Variants in AGBL4 observed in about 807,000 individuals in gnomAD.
AGBL4 encodes AGBL carboxypeptidase 4.
Under a neutral mutation model 66.4 loss-of-function variants are expected in AGBL4, and 58 were observed. The observed-to-expected ratio is 0.87, with a 90% CI of 0.71 to 1.09. The LOEUF (loss-of-function observed/expected upper bound fraction) is 1.09. AGBL4 is among the 50% of genes least tolerant of loss of function. AGBL4 has a pLI of 0.00. For missense variants in AGBL4, 579 were observed against 631.0 expected (o/e 0.92, Z 0.88); for synonymous variants, 234 against 222.9 (o/e 1.05, Z -0.44).
chr1:48,837,561 C>G (rs7544959), intron 6 of AGBL4, among the ~76,000 whole-genome samples: 5,508 of 151,330 alleles, frequency 0.036, 331 homozygotes, highest in African/African-American at 0.12. Flanking sequence ...CAATGAACTC[C>G]AAGTTCTTCA....
intron 6 of AGBL4, among the ~76,000 whole-genome samples, chr1:48,854,458 GC>G (rs1647100850): frequency 6.6e-6 from 1 of 152,164 alleles, no homozygotes. Flanking sequence ...TAGCTGTGGA[GC>G]CTCTAGTAGC....
chr1:49,463,288 T>C (rs182380627), intron 3 of AGBL4, among the ~76,000 whole-genome samples: 1 of 151,810 alleles, frequency 6.6e-6, no homozygotes. Context: ...ATGGAGAACA[T>C]ATATACCCTG....
chr1:49,326,300 T>C (rs1645226995), intron 3 of AGBL4, among the ~76,000 whole-genome samples: 1 of 152,216 alleles, frequency 6.6e-6, no homozygotes, highest in Non-Finnish European at 1.5e-5. Flanking sequence ...TGCCAATCTA[T>C]TGTCTTCTGA....
At position 48,750,570 on chromosome 1, in the gene AGBL4, T is replaced by A. The variant is rs139967897; in HGVS notation, c.635-87329A>T. 1.2e-4 allele frequency among the ~76,000 whole-genome samples: 19 copies of A among 152,330 alleles called. No individual in the cohort carries two copies. The East Asian group carries it at 3.5e-3, about 28-fold the overall frequency. ...AAGCTCACCCTGCATCCCAACTGTC[T>A]GCTGTTGAGACTGTGACTTCTTTAA... On this transcript the variant is annotated intron_variant, in intron 6 of 13. Transcript: ENST00000371839.
intron 3 of AGBL4, among the ~76,000 whole-genome samples, chr1:49,409,723 T>C (rs1228834547): frequency 6.6e-6 from 1 of 152,186 alleles, no homozygotes; most frequent in Non-Finnish European, 1.5e-5. Flanking sequence ...TTTCAAAGGA[T>C]TTATTTTTAA....
chr1:49,910,412 T>C (rs780481921), intron 1 of AGBL4, among the ~76,000 whole-genome samples: 12 of 152,144 alleles, frequency 7.9e-5, no homozygotes, highest in South Asian at 2.1e-4. Flanking sequence ...TAGTGGGCAA[T>C]GAAAGCCTGA....
chr1:49,215,989 T>C (rs1477533660), intron 4 of AGBL4, among the ~76,000 whole-genome samples: 1 of 152,124 alleles, frequency 6.6e-6, no homozygotes, highest in Non-Finnish European at 1.5e-5. Flanking sequence ...ATAAAACATC[T>C]GAGATCTGCA....
chr1:48,551,100 A>G (rs1644242368), intron 11 of AGBL4, among the ~76,000 whole-genome samples: 3 of 152,066 alleles, frequency 2.0e-5, no homozygotes, highest in Admixed American at 2.0e-4. Context: ...ACAACCCTAC[A>G]CTGATTCACT....
Position 48,866,728 on chromosome 1 carries a change from A to G in AGBL4, c.634+463T>C, listed in dbSNP as rs563078906. Among the ~76,000 whole-genome samples the G allele has an allele frequency of 3.3e-4, 51 of 152,290 alleles. 1 individual carries two copies. The highest frequency in any genetic ancestry group is 1.2e-3 in the African/African-American group (50 of 41,564). Reference sequence around the variant, plus strand: ...GACCTGACCTTCCCTTAAAAGTGAGAGACAAAAGTTATCTTGACCCTCTAC... The same window carrying G: ...GACCTGACCTTCCCTTAAAAGTGAGGGACAAAAGTTATCTTGACCCTCTAC... On this transcript the variant is annotated intron_variant, in intron 6 of 13. Transcript: ENST00000371839.
chr1:49,695,366 T>A (rs1646963763), intron 3 of AGBL4, among the ~76,000 whole-genome samples: 1 of 152,070 alleles, frequency 6.6e-6, no homozygotes, highest in Non-Finnish European at 1.5e-5. Flanking sequence ...GGTCCCAAAT[T>A]TGAAGTGAAA....
chr1:48,900,560 A>C (rs1466175310), intron 5 of AGBL4, among the ~76,000 whole-genome samples: 1 of 152,252 alleles, frequency 6.6e-6, no homozygotes, highest in Non-Finnish European at 1.5e-5. Context: ...AACAGAACAG[A>C]GTCCAGAAAT....
intron 1 of AGBL4, among the ~76,000 whole-genome samples, chr1:49,901,218 G>C (rs1163950081): frequency 1.3e-5 from 2 of 152,082 alleles, no homozygotes; most frequent in Non-Finnish European, 2.9e-5. Flanking sequence ...AAAGAAATAA[G>C]AGTCATCCAA....
chr1:49,454,948 C>T (rs1342398046), intron 3 of AGBL4, among the ~76,000 whole-genome samples: 1 of 151,556 alleles, frequency 6.6e-6, no homozygotes, highest in Non-Finnish European at 1.5e-5. Context: ...TGAATTGTTT[C>T]TCTGGGCCGG....
At chr1:49,254,732 G>C (rs1652339407) in intron 3 of AGBL4, among the ~76,000 whole-genome samples, 1 of 152,106 alleles carries the variant, frequency 6.6e-6, no homozygotes, top group Non-Finnish European at 1.5e-5. Flanking sequence ...AATGAACAAA[G>C]CTGGAGGAAT....
chr1:48,699,672 G>A (rs534035348), intron 6 of AGBL4, among the ~76,000 whole-genome samples: 1 of 152,298 alleles, frequency 6.6e-6, no homozygotes, highest in African/African-American at 2.4e-5. Flanking sequence ...ATAATTGCAA[G>A]GCATATTCTA....
chr1:48,956,684 ACT>A (rs1384437634), intron 5 of AGBL4, among the ~76,000 whole-genome samples: 2 of 152,122 alleles, frequency 1.3e-5, no homozygotes, highest in Non-Finnish European at 2.9e-5. Flanking sequence ...TACTCAACTA[ACT>A]CTGATTTAGG....
In AGBL4 at chr1:49,045,861, A is replaced by C. The variant is rs1644066209; in HGVS notation, c.378-61T>G. 3.7e-6 allele frequency: 5 copies of C among 1,357,274 alleles called. No individual in the cohort carries two copies. The African/African-American group carries it at 5.8e-5, about 16-fold the overall frequency. 84.1% of individuals were successfully genotyped at this position (1,357,274 alleles called of 1,614,324 possible). On this transcript the variant is annotated intron_variant, in intron 4 of 13. Coordinates refer to ENST00000371839, the MANE Select transcript of AGBL4 (RefSeq NM_032785.4). The stretch of plus-strand genomic sequence containing the variant: ...GACATTCGTTCAAGCTTCAAAAGGT[A>C]ATACATATAAATCAATGCCTGGAGA...
chr1:49,046,267 A>T (rs1571316014), intron 4 of AGBL4, among the ~76,000 whole-genome samples: 1 of 152,216 alleles, frequency 6.6e-6, no homozygotes, highest in Non-Finnish European at 1.5e-5. Flanking sequence ...CTATAGAGAT[A>T]TAAATGGGAG....
chr1:49,531,112 A>G (rs1570961323), intron 3 of AGBL4, among the ~76,000 whole-genome samples: 1 of 152,078 alleles, frequency 6.6e-6, no homozygotes, highest in East Asian at 1.9e-4. Context: ...TCTAATTTTG[A>G]TATCAAGTTA....
Sources: gnomAD v4.1 joint callset for allele counts (sites outside exome capture counted in the v4.1 genomes callset) on GRCh38, gnomAD v4.1.1 for gene constraint, MANE v1.5 for transcripts, NCBI Gene and HGNC (gene_info 2026-07-23, HGNC 2026-07-21) for gene names.